Variants in NPAS3 observed in about 807,000 individuals in gnomAD.
NPAS3 encodes neuronal PAS domain-containing protein 3.
A neutral mutation model predicts 73.1 loss-of-function variants in NPAS3; 14 were observed. The ratio of observed to expected loss-of-function variants is 0.19; its 90% CI spans 0.13 to 0.30. The LOEUF (loss-of-function observed/expected upper bound fraction) is 0.30, where lower values mean the gene tolerates loss of function less well. Among genes scored for constraint, NPAS3 ranks in the 10% least tolerant of loss-of-function variants. The pLI is 1.00. For synonymous variants in NPAS3, 620 were observed against 541.5 expected, an observed-to-expected ratio of 1.14 and a Z score of -2.01; for missense variants, 1,096 against 1,250.0, an observed-to-expected ratio of 0.88 and a Z score of 1.86.
At chr14:33,688,074 CT>C (rs955287858) in intron 6 of NPAS3, among the ~76,000 whole-genome samples, 10 of 151,952 alleles carry the variant, frequency 6.6e-5, no homozygotes, top group African/African-American at 2.4e-4. Context: ...GCAAGATGAA[CT>C]TTTTTTTTCC....
At chr14:33,723,959 A>AT (rs1000554336) in intron 6 of NPAS3, among the ~76,000 whole-genome samples, 34 of 151,876 alleles carry the variant, frequency 2.2e-4, no homozygotes, top group Non-Finnish European at 4.1e-4. Flanking sequence ...ATATATATCC[A>AT]TTTTTTTACC....
At chr14:33,746,107 G>A (rs1390705865) in intron 7 of NPAS3, among the ~76,000 whole-genome samples, 1 of 152,094 alleles carries the variant, frequency 6.6e-6, no homozygotes, top group Non-Finnish European at 1.5e-5. Context: ...GAACCCTGCT[G>A]CACCTGAGAG....
At chr14:33,155,297 C>G (rs1260951005) in intron 2 of NPAS3, among the ~76,000 whole-genome samples, 2 of 152,184 alleles carry the variant, frequency 1.3e-5, no homozygotes, top group African/African-American at 4.8e-5. Flanking sequence ...CTCATGTATT[C>G]CATTTGTCAA....
chr14:32,936,304 G>GT (rs34612468), upstream of NPAS3, among the ~76,000 whole-genome samples: 901 of 145,036 alleles, frequency 6.2e-3, 3 homozygotes, highest in East Asian at 0.025. Context: ...ACTGTCTGAA[G>GT]TTTTTTTTTT....
At position 33,766,896 on chromosome 14, in the gene NPAS3, C is replaced by T. The variant is rs145773092; in HGVS notation, c.853-7441C>T. Reference sequence around the variant, plus strand: ...TTTCCCTGTTCTGCCTTTTCTCATCCACAGTTGCTAAACTCCCACTGTGGC... The same window carrying T: ...TTTCCCTGTTCTGCCTTTTCTCATCTACAGTTGCTAAACTCCCACTGTGGC... On this transcript the variant is annotated intron_variant, in intron 7 of 11. Transcript: ENST00000356141. Among the ~76,000 whole-genome samples the T allele has an allele frequency of 3.8e-3, 586 of 152,248 alleles. 9 individuals are homozygous for T. The highest frequency in any genetic ancestry group is 0.013 in the African/African-American group (554 of 41,542).
At chr14:33,681,260 G>A (rs988057614) in intron 6 of NPAS3, among the ~76,000 whole-genome samples, 1 of 152,148 alleles carries the variant, frequency 6.6e-6, no homozygotes, top group Non-Finnish European at 1.5e-5. Context: ...GTACTTCTAT[G>A]GGTGAATTAT....
intron 5 of NPAS3, among the ~76,000 whole-genome samples, chr14:33,568,557 G>A (rs1364847952): frequency 6.6e-6 from 1 of 152,156 alleles, no homozygotes; most frequent in East Asian, 1.9e-4. Context: ...AATGATGAGT[G>A]AATGCAAACT....
intron 5 of NPAS3, among the ~76,000 whole-genome samples, chr14:33,561,124 C>T (rs2055627926): frequency 6.6e-6 from 1 of 152,108 alleles, no homozygotes; most frequent in African/African-American, 2.4e-5. Context: ...GATAATCTAC[C>T]GCTCGTTCAG....
intron 5 of NPAS3, among the ~76,000 whole-genome samples, chr14:33,624,322 A>G (rs1020726954): frequency 3.3e-5 from 5 of 152,212 alleles, no homozygotes; most frequent in Non-Finnish European, 7.3e-5. Flanking sequence ...CACCATATCA[A>G]AGGAGGATGC....
chr14:33,722,009 C>A (rs1595501107), intron 6 of NPAS3, among the ~76,000 whole-genome samples: 1 of 152,306 alleles, frequency 6.6e-6, no homozygotes, highest in East Asian at 1.9e-4. Context: ...GGAGTCCCTG[C>A]TGTTGAGAGG....
chr14:33,363,704 A>G (rs888361764), intron 3 of NPAS3, among the ~76,000 whole-genome samples: 19 of 152,206 alleles, frequency 1.2e-4, no homozygotes, highest in African/African-American at 3.1e-4. Flanking sequence ...TTGCAACACT[A>G]ATTCCCTTAT....
In NPAS3 at chr14:32,953,135, GAA is replaced by G. The variant is rs566708758; in HGVS notation, c.50+13781_50+13782del. On this transcript the variant is annotated intron_variant, in intron 1 of 11. Transcript: ENST00000356141. ...ACCCCAAACAACAACCAAAAAAAAA[GAA>G]AAAAAAAAAAACAGAGTTGGAAATA... Among the ~76,000 whole-genome samples, 70 of 118,338 alleles carry G rather than the reference GAA, an allele frequency of 5.9e-4. 1 individual carries two copies. Among genetic ancestry groups the G allele is most frequent in the African/African-American group, 1.8e-3 (61 of 33,552 alleles). The allele number at this position is 118,338 out of a possible 152,430, so 77.6% of individuals were successfully genotyped here.
chr14:32,939,434 G>T (rs2035872740), intron 1 of NPAS3, 68 bp downstream of exon 1: 2 of 509,666 alleles, frequency 3.9e-6, no homozygotes, highest in Non-Finnish European at 7.1e-6. Flanking sequence ...CTCCGCCGCC[G>T]AGGGCCCCTC....
In NPAS3 at chr14:33,016,847, C is replaced by T. The variant is rs541152927; in HGVS notation, c.51-39058C>T. 1.8e-4 allele frequency among the ~76,000 whole-genome samples: 28 copies of T among 152,194 alleles called. No homozygotes were observed. The South Asian group carries it at 2.7e-3, about 15-fold the overall frequency. On this transcript the variant is annotated intron_variant, in intron 1 of 11. Transcript: ENST00000356141. ...TTCTCATAAAAAATATTTGCACATTCCAGGCGTTTCATAAATATTTGCTGA... is the reference window on the plus strand; with the variant it reads ...TTCTCATAAAAAATATTTGCACATTTCAGGCGTTTCATAAATATTTGCTGA...
chr14:32,937,412 T>A (rs560193312), upstream of NPAS3, among the ~76,000 whole-genome samples: 3 of 152,234 alleles, frequency 2.0e-5, no homozygotes, highest in African/African-American at 7.2e-5. Context: ...CTCTCATTTG[T>A]CATCTTCGGG....
intron 5 of NPAS3, among the ~76,000 whole-genome samples, chr14:33,664,334 G>A (rs2059392390): frequency 6.6e-6 from 1 of 152,060 alleles, no homozygotes; most frequent in African/African-American, 2.4e-5. Flanking sequence ...AACTGAAACT[G>A]GACCCTTTCC....
chr14:33,560,383 C>G, intron 5 of NPAS3, 173 bp downstream of exon 5: 2 of 471,058 alleles, frequency 4.2e-6, no homozygotes, highest in East Asian at 3.2e-5. Flanking sequence ...CAGTGTTGAA[C>G]ATTCAGAATA....
intron 4 of NPAS3, among the ~76,000 whole-genome samples, chr14:33,467,243 A>G (rs1002620424): frequency 6.6e-6 from 1 of 152,164 alleles, no homozygotes. Context: ...TGATGCCCAG[A>G]TTCTGTATTT....
chr14:33,094,257 C>G lies in NPAS3; in HGVS notation c.140+38263C>G, dbSNP rs1001203253. On this transcript the variant is annotated intron_variant, in intron 2 of 11. Coordinates refer to ENST00000356141, the Ensembl canonical transcript of NPAS3. ...AAATATTCTCTGTTTTCATATAACC[C>G]ACTATATGGACAATAAATAATGATT... 2.0e-5 allele frequency among the ~76,000 whole-genome samples: 3 copies of G among 152,026 alleles called. No individual in the cohort carries two copies. In the South Asian group the frequency reaches 6.2e-4, roughly 32 times the overall value.
Sources: gnomAD v4.1 joint callset for allele counts (sites outside exome capture counted in the v4.1 genomes callset) on GRCh38, gnomAD v4.1.1 for gene constraint, MANE v1.5 for transcripts, NCBI Gene and HGNC (gene_info 2026-07-23, HGNC 2026-07-21) for gene names.